Variants in GREB1L observed in about 807,000 individuals in gnomAD.
The protein encoded by GREB1L is GREB1-like protein.
GREB1L carries 17 observed loss-of-function variants against 200.8 expected under a neutral mutation model. The ratio of observed to expected loss-of-function variants is 0.08; its 90% CI spans 0.06 to 0.13. The LOEUF (loss-of-function observed/expected upper bound fraction) is 0.13, where lower values mean the gene tolerates loss of function less well. Ranked by LOEUF, GREB1L falls within the 10% of genes least tolerant of loss-of-function variation. GREB1L has a pLI of 1.00. For missense variants in GREB1L, 1,657 were observed against 2,367.7 expected (o/e 0.70, Z 6.23); for synonymous variants, 789 against 893.0 (o/e 0.88, Z 2.08).
In GREB1L at chr18:21,496,434, A is replaced by C. The variant is rs1401309778; in HGVS notation, c.3147-20A>C. ...GCCTGGCCAGATAGACTCACCAACA[A>C]CACAATTACTTTTGTTCAGGTCTTT... is the stretch of plus-strand genomic sequence containing the variant. On this transcript the variant is annotated intron_variant, in intron 20 of 32. Transcript: ENST00000424526. 16 of 1,551,466 alleles carry C rather than the reference A, an allele frequency of 1.0e-5. No homozygotes were observed. In the South Asian group the frequency reaches 1.5e-4, roughly 15 times the overall value.
chr18:21,417,741 C>T (rs2031775993), intron 7 of GREB1L, among the ~76,000 whole-genome samples: 1 of 151,874 alleles, frequency 6.6e-6, no homozygotes, highest in African/African-American at 2.4e-5. Context: ...CCTGTAATCC[C>T]AGTACTTTGG....
intron 1 of GREB1L, among the ~76,000 whole-genome samples, chr18:21,341,898 G>A (rs2039275022): frequency 6.6e-6 from 1 of 152,100 alleles, no homozygotes; most frequent in Non-Finnish European, 1.5e-5. Context: ...AAAACGATGG[G>A]AATACTTTTC....
At chr18:21,418,880 T>G (rs1424616290) in intron 7 of GREB1L, among the ~76,000 whole-genome samples, 1 of 152,186 alleles carries the variant, frequency 6.6e-6, no homozygotes, top group African/African-American at 2.4e-5. Context: ...ATTGACTATT[T>G]TTTTAAAAAA....
intron 30 of GREB1L, 58 bp downstream of exon 30, chr18:21,516,812 TTTG>T (rs1193363260): frequency 2.3e-5 from 33 of 1,445,280 alleles, no homozygotes; most frequent in Non-Finnish European, 3.1e-5. Flanking sequence ...AATGACTATC[TTTG>T]TTATTAGATG....
At chr18:21,274,304 C>T (rs2144326515) in intron 1 of GREB1L, among the ~76,000 whole-genome samples, 1 of 152,298 alleles carries the variant, frequency 6.6e-6, no homozygotes, top group East Asian at 1.9e-4. Flanking sequence ...CTAAAACCAT[C>T]ACCTTGGGGG....
chr18:21,493,208 A>G (rs1201114297), intron 19 of GREB1L, among the ~76,000 whole-genome samples: 1 of 152,122 alleles, frequency 6.6e-6, no homozygotes, highest in Non-Finnish European at 1.5e-5. Flanking sequence ...CACTACTTCT[A>G]TTATGTGATC....
intron 15 of GREB1L, among the ~76,000 whole-genome samples, chr18:21,467,549 C>A (rs1487145292): frequency 6.6e-6 from 1 of 152,188 alleles, no homozygotes; most frequent in Non-Finnish European, 1.5e-5. Context: ...GAGACTGCTA[C>A]ACACCCCACT....
chr18:21,432,992 C>T (rs563962874), intron 7 of GREB1L, among the ~76,000 whole-genome samples: 8 of 152,214 alleles, frequency 5.3e-5, no homozygotes, highest in African/African-American at 1.9e-4. Flanking sequence ...CAGGCATGAG[C>T]CACTGCACCC....
chr18:21,277,163 T>A (rs1386637315), intron 1 of GREB1L, among the ~76,000 whole-genome samples: 1 of 151,888 alleles, frequency 6.6e-6, no homozygotes, highest in East Asian at 1.9e-4. Context: ...CTCCTGACCT[T>A]GTGATCCGCC....
At chr18:21,490,627 A>G (rs2036296232) in intron 19 of GREB1L, among the ~76,000 whole-genome samples, 2 of 152,038 alleles carry the variant, frequency 1.3e-5, no homozygotes, top group South Asian at 4.1e-4. Flanking sequence ...ATTTGACCCC[A>G]TGTTTATTGG....
intron 2 of GREB1L, among the ~76,000 whole-genome samples, chr18:21,371,525 T>C (rs536059349): frequency 8.6e-5 from 13 of 151,738 alleles, no homozygotes; most frequent in African/African-American, 3.1e-4. Context: ...CGGTGGCTCA[T>C]GCCTGTAATC....
Position 21,514,005 on chromosome 18 carries a change from G to A in GREB1L, c.4901+19G>A, listed in dbSNP as rs1424068300. 1 of 1,548,812 alleles carries A rather than the reference G, an allele frequency of 6.5e-7. No individual in the cohort carries two copies. On this transcript the variant is annotated intron_variant, in intron 28 of 32. Transcript: ENST00000424526. ...CATCCAGGTAGACTTCCAAGCTGGG[G>A]GCGTATGACACAATGCTATAGACAG...
intron 1 of GREB1L, among the ~76,000 whole-genome samples, chr18:21,325,528 A>G (rs891540878): frequency 5.9e-5 from 9 of 152,094 alleles, no homozygotes; most frequent in African/African-American, 2.2e-4. Context: ...ATTATAATAA[A>G]CTAGGGCCTG....
chr18:21,374,576 C>T (rs936803451), intron 2 of GREB1L, among the ~76,000 whole-genome samples: 2 of 152,232 alleles, frequency 1.3e-5, no homozygotes, highest in Admixed American at 1.3e-4. Context: ...ACATCCCCAT[C>T]TACCTGTACC....
At chr18:21,503,825 A>G (rs2036902786) in intron 23 of GREB1L, among the ~76,000 whole-genome samples, 1 of 149,882 alleles carries the variant, frequency 6.7e-6, no homozygotes, top group Non-Finnish European at 1.5e-5. Context: ...GGATCCACCC[A>G]CCTCGGCCTC....
intron 27 of GREB1L, among the ~76,000 whole-genome samples, chr18:21,511,934 C>T (rs1395296888): frequency 6.6e-6 from 1 of 152,180 alleles, no homozygotes; most frequent in African/African-American, 2.4e-5. Context: ...TGTGAGACAT[C>T]GTGCCCAGCC....
chr18:21,416,633 G>C (rs2031660603), intron 7 of GREB1L, among the ~76,000 whole-genome samples: 1 of 150,898 alleles, frequency 6.6e-6, no homozygotes, highest in South Asian at 2.1e-4. Context: ...GGCAGAGCTT[G>C]CAGTGAGCCA....
chr18:21,377,776 G>A (rs2040133415), intron 2 of GREB1L, among the ~76,000 whole-genome samples: 1 of 151,986 alleles, frequency 6.6e-6, no homozygotes, highest in Non-Finnish European at 1.5e-5. Context: ...CAGGTGTGGT[G>A]GGGGGCACCT....
chr18:21,519,923 CTT>C (rs796146497), intron 31 of GREB1L, among the ~76,000 whole-genome samples: 8 of 143,766 alleles, frequency 5.6e-5, no homozygotes, highest in Admixed American at 7.0e-5. Flanking sequence ...CATGCACTGT[CTT>C]TTTTTTTTTT....
Sources: allele counts gnomAD v4.1 joint callset (sites outside exome capture counted in the v4.1 genomes callset), GRCh38; gene constraint gnomAD v4.1.1; transcripts MANE v1.5; gene names NCBI Gene and HGNC (gene_info 2026-07-23, HGNC 2026-07-21).